Variants in TPTE observed in about 807,000 individuals in gnomAD.
TPTE encodes putative tyrosine-protein phosphatase TPTE.
Under a neutral mutation model 84.1 loss-of-function variants are expected in TPTE, and 59 were observed. The ratio of observed to expected loss-of-function variants is 0.70; its 90% CI spans 0.57 to 0.87. The LOEUF is 0.87. Among genes scored for constraint, TPTE ranks in the 40% least tolerant of loss-of-function variants. The pLI, the probability that TPTE is intolerant of heterozygous loss-of-function variation, is 0.00. For synonymous variants in TPTE, 130 were observed against 223.5 expected, an observed-to-expected ratio of 0.58 and a Z score of 3.73; for missense variants, 382 against 659.6, an observed-to-expected ratio of 0.58 and a Z score of 4.61.
intron 21 of TPTE, among the ~76,000 whole-genome samples, chr21:10,598,885 G>A (rs1210975807): frequency 6.6e-6 from 1 of 152,302 alleles, no homozygotes; most frequent in Non-Finnish European, 1.5e-5. Flanking sequence ...GGCTTTTTTG[G>A]CCTCTCCCGA....
intron 21 of TPTE, among the ~76,000 whole-genome samples, chr21:10,600,203 A>C (rs1224696305): frequency 6.7e-6 from 1 of 148,526 alleles, no homozygotes; most frequent in Non-Finnish European, 1.5e-5. Flanking sequence ...GCACTCTCGC[A>C]ATCTCAGCTC....
chr21:10,595,041 T>C (rs375603405), intron 19 of TPTE, among the ~76,000 whole-genome samples: 3,339 of 147,714 alleles, frequency 0.023, 1 homozygote, highest in Middle Eastern at 0.047. Context: ...TTGTTTTGTT[T>C]TGTTTTGTTT....
Position 10,541,183 on chromosome 21 carries a change from T to G in TPTE, c.65+18T>G, listed in dbSNP as rs561409461. 79 of 1,612,282 alleles carry G rather than the reference T, an allele frequency of 4.9e-5. No individual in the cohort carries two copies. The highest frequency in any genetic ancestry group is 4.6e-5 in the Non-Finnish European group (54 of 1,178,640). ...AATGACAGGTGAGTTATAAAAGATGTACACATGACCAGGTGCAATGGTTCA... is the reference window on the plus strand; with the variant it reads ...AATGACAGGTGAGTTATAAAAGATGGACACATGACCAGGTGCAATGGTTCA... On this transcript the variant is annotated intron_variant, in intron 5 of 23. Transcript: ENST00000618007.
intron 10 of TPTE, among the ~76,000 whole-genome samples, chr21:10,566,552 A>G (rs1361945360): frequency 6.6e-6 from 1 of 152,312 alleles, no homozygotes; most frequent in Non-Finnish European, 1.5e-5. Context: ...AGATATCTGC[A>G]TTCCCTTTTT....
chr21:10,599,970 AT>A (rs1164466770), intron 21 of TPTE, among the ~76,000 whole-genome samples: 4 of 152,260 alleles, frequency 2.6e-5, no homozygotes, highest in South Asian at 4.1e-4. Context: ...CAATCCCCCA[AT>A]TTTTTTTATT....
At chr21:10,552,969 T>G (rs143616233) in intron 8 of TPTE, among the ~76,000 whole-genome samples, 2 of 152,428 alleles carry the variant, frequency 1.3e-5, no homozygotes, top group Admixed American at 6.5e-5. Flanking sequence ...TAGAGGAAAT[T>G]AATTCCATTA....
intron 7 of TPTE, among the ~76,000 whole-genome samples, chr21:10,545,939 T>C (rs1343456543): frequency 6.6e-6 from 1 of 151,996 alleles, no homozygotes; most frequent in Non-Finnish European, 1.5e-5. Flanking sequence ...TGTAAACATA[T>C]ATGTATATAT....
chr21:10,553,666 G>A (rs1228965884), intron 8 of TPTE, among the ~76,000 whole-genome samples: 4 of 152,308 alleles, frequency 2.6e-5, no homozygotes, highest in Non-Finnish European at 1.5e-5. Flanking sequence ...GGAGGAATTT[G>A]CAGTAGTCCC....
intron 15 of TPTE, among the ~76,000 whole-genome samples, chr21:10,578,024 T>C (rs2075194453): frequency 6.6e-6 from 1 of 152,308 alleles, no homozygotes; most frequent in South Asian, 2.1e-4. Context: ...GGGCAAACAT[T>C]TTGGTCAGCT....
intron 21 of TPTE, among the ~76,000 whole-genome samples, chr21:10,598,541 A>G (rs1347827099): frequency 2.0e-5 from 3 of 152,304 alleles, no homozygotes; most frequent in Non-Finnish European, 2.9e-5. Flanking sequence ...CCCCCAAAGT[A>G]TGATTCAGGA....
intron 3 of TPTE, among the ~76,000 whole-genome samples, chr21:10,533,698 A>T (rs1412156062): frequency 1.3e-5 from 2 of 152,310 alleles, no homozygotes; most frequent in African/African-American, 4.8e-5. Flanking sequence ...TGTCATTGTC[A>T]GTAAGTTTAA....
intron 3 of TPTE, among the ~76,000 whole-genome samples, chr21:10,536,409 A>G (rs1409683255): frequency 1.4e-3 from 208 of 152,354 alleles, no homozygotes; most frequent in Non-Finnish European, 2.1e-3. Context: ...GTGTCCAACT[A>G]TCTACTTTTA....
At chr21:10,579,418 A>T (rs1292304335) in intron 17 of TPTE, among the ~76,000 whole-genome samples, 2 of 152,312 alleles carry the variant, frequency 1.3e-5, no homozygotes, top group African/African-American at 4.8e-5. Context: ...TGAACCTGGG[A>T]GGCAGAGGTT....
intron 7 of TPTE, among the ~76,000 whole-genome samples, chr21:10,547,768 G>T (rs2074495707): frequency 6.6e-6 from 1 of 152,312 alleles, no homozygotes; most frequent in Non-Finnish European, 1.5e-5. Flanking sequence ...CTGTGTGGAG[G>T]TTGGTCCCAG....
At chr21:10,596,276 G>C (rs2075587494) in intron 20 of TPTE, among the ~76,000 whole-genome samples, 189 bp downstream of exon 20, 1 of 152,312 alleles carries the variant, frequency 6.6e-6, no homozygotes, top group Admixed American at 6.5e-5. Context: ...CCAGCCCTTA[G>C]ATGTTCTTCA....
At chr21:10,524,370 G>A (rs1196481125) in intron 1 of TPTE, among the ~76,000 whole-genome samples, 5 of 152,306 alleles carry the variant, frequency 3.3e-5, no homozygotes, top group African/African-American at 1.2e-4. Flanking sequence ...ACCTTACAGA[G>A]TCCCCTTACC....
chr21:10,525,736 TTAGC>T (rs1265749157), intron 2 of TPTE, among the ~76,000 whole-genome samples: 2 of 152,312 alleles, frequency 1.3e-5, no homozygotes, highest in Non-Finnish European at 2.9e-5. Context: ...AGGGGGCAAT[TTAGC>T]TAGTTACTTA....
intron 5 of TPTE, among the ~76,000 whole-genome samples, chr21:10,541,977 C>A (rs2145618346): frequency 6.6e-6 from 1 of 152,430 alleles, no homozygotes; most frequent in African/African-American, 2.4e-5. Context: ...CTCTAGTTAC[C>A]TGACCCTTTT....
chr21:10,527,666 G>T (rs1382452783), intron 3 of TPTE, among the ~76,000 whole-genome samples: 19 of 152,290 alleles, frequency 1.2e-4, no homozygotes, highest in Admixed American at 7.2e-4. Context: ...AGAGAGGAGA[G>T]AATCCTACTT....
Sources: gnomAD v4.1 joint callset for allele counts (sites outside exome capture counted in the v4.1 genomes callset) on GRCh38, gnomAD v4.1.1 for gene constraint, MANE v1.5 for transcripts, NCBI Gene and HGNC (gene_info 2026-07-23, HGNC 2026-07-21) for gene names.